The following SLCO2A1 variants were observed in gnomAD, a reference collection of about 807,000 sequenced individuals.
SLCO2A1 encodes matrin F/G 1.
Under a neutral mutation model 71.7 loss-of-function variants are expected in SLCO2A1, and 60 were observed. That is an observed-to-expected ratio of 0.84 (90% CI 0.68 to 1.04). SLCO2A1 has a LOEUF of 1.04. Among genes scored for constraint, SLCO2A1 ranks in the 50% least tolerant of loss-of-function variants. The probability of loss-of-function intolerance (pLI) is 0.00; values close to 1 mark genes in which losing one functional copy is unlikely to be tolerated. For missense variants in SLCO2A1, 745 were observed against 813.4 expected, an observed-to-expected ratio of 0.92 and a Z score of 1.02; for synonymous variants, 308 against 326.7, an observed-to-expected ratio of 0.94 and a Z score of 0.62.
At chr3:133,986,669 G>T (rs1436033825) in intron 1 of SLCO2A1, among the ~76,000 whole-genome samples, 5 of 152,182 alleles carry the variant, frequency 3.3e-5, no homozygotes, top group African/African-American at 1.2e-4. Flanking sequence ...TTTACCACCC[G>T]TGTCAAAGAG....
chr3:133,992,529 C>A lies in SLCO2A1; in HGVS notation c.97-12911G>T, dbSNP rs550570311. Reference sequence around the variant, plus strand: ...CCCACCCTCAAGCCTGGAACTGTGGCCCAAAGTGAGAACTTACATTCCTGT... The same window carrying A: ...CCCACCCTCAAGCCTGGAACTGTGGACCAAAGTGAGAACTTACATTCCTGT... On this transcript the variant is annotated intron_variant, in intron 1 of 13. Transcript: ENST00000310926. Among the ~76,000 whole-genome samples, 4 of 152,316 alleles carry A rather than the reference C, an allele frequency of 2.6e-5. No individual in the cohort carries two copies. In the South Asian group the frequency reaches 6.2e-4, roughly 24 times the overall value.
chr3:133,937,080 A>G (rs969572635), intron 12 of SLCO2A1, among the ~76,000 whole-genome samples: 2 of 152,104 alleles, frequency 1.3e-5, no homozygotes, highest in Admixed American at 1.3e-4. Flanking sequence ...AAAAGCAGCG[A>G]GTGCTTCAAG....
intron 1 of SLCO2A1, among the ~76,000 whole-genome samples, chr3:134,019,087 G>C (rs577411571): frequency 6.6e-6 from 1 of 152,144 alleles, no homozygotes; most frequent in African/African-American, 2.4e-5. Flanking sequence ...GAAACCACTG[G>C]CCACTGGGAA....
chr3:134,029,654 G>A (rs529472102), intron 1 of SLCO2A1, 53 bp downstream of exon 1: 2 of 1,450,326 alleles, frequency 1.4e-6, no homozygotes, highest in South Asian at 1.2e-5. Context: ...GTGCCCAGCC[G>A]AAGGTGCGCC....
Position 133,979,574 on chromosome 3 carries a change from C to G in SLCO2A1, c.141G>C (p.Leu47=), listed in dbSNP as rs1379204674. 4 of 1,613,904 alleles carry G rather than the reference C, an allele frequency of 2.5e-6. No individual in the cohort carries two copies. Among genetic ancestry groups the G allele is most frequent in the African/African-American group, 1.3e-5 (1 of 74,906 alleles). Reference sequence around the variant, plus strand: ...GGCTGCTCTTGAAGTAGGCGCTGTACAGGAGTTGGCAGAGCTGCAGGAGGC... The same window carrying G: ...GGCTGCTCTTGAAGTAGGCGCTGTAGAGGAGTTGGCAGAGCTGCAGGAGGC... ...CQGLLQLCQL[L]YSAYFKSSLT... The change falls in exon 2 of 14, where the codon CTG becomes CTC. Residue 47 remains leucine (L), a synonymous_variant. Transcript: ENST00000310926.
Position 133,934,784 on chromosome 3 carries a change from G to T in SLCO2A1, c.1861C>A (p.Leu621Ile), listed in dbSNP as rs147416721. 21 of 1,612,850 alleles carry T rather than the reference G, an allele frequency of 1.3e-5. No individual in the cohort carries two copies. The highest frequency in any genetic ancestry group is 1.4e-5 in the Non-Finnish European group (17 of 1,179,992). Residue 621 changes from leucine to isoleucine, a missense_variant, in exon 14 of 14, where the codon CTT becomes ATT. Leu to Ile is a conservative substitution (Grantham distance 5, BLOSUM62 2). Coordinates refer to ENST00000310926, the MANE Select transcript of SLCO2A1 (RefSeq NM_005630.3). ...TTCACCCTCCAGCTGATGAAGCAAA[G>T]CAGCAGCATGCCCAGCGCCTTGTAG... ...MGYKALGMLLLCFISWRVKKN... is the reference protein window; with the variant it reads ...MGYKALGMLLICFISWRVKKN...
chr3:133,999,610 A>C (rs1435737776), intron 1 of SLCO2A1, among the ~76,000 whole-genome samples: 8 of 152,190 alleles, frequency 5.3e-5, no homozygotes, highest in Non-Finnish European at 1.0e-4. Context: ...GTGGTGTCAG[A>C]GGGGCTCAGA....
In SLCO2A1 at chr3:133,948,632, T is replaced by C. The variant is rs924900006; in HGVS notation, c.1009A>G (p.Thr337Ala). 3.7e-6 allele frequency: 6 copies of C among 1,614,066 alleles called. No individual in the cohort carries two copies. Among genetic ancestry groups the C allele is most frequent in the Non-Finnish European group, 5.1e-6 (6 of 1,179,994 alleles). The change falls in exon 8 of 14, where the codon ACC becomes GCC. Residue 337 changes from threonine (T) to alanine (A), a missense_variant. Transcript: ENST00000310926. The stretch of plus-strand genomic sequence containing the variant: ...AGGCCAGCAATGACGGAGGAGAAGG[T>C]GCACTGGGCCAGGACCACCAGGACG... ...LFVLVVLAQC[T>A]FSSVIAGLST...
Position 133,979,577 on chromosome 3 carries a change from G to C in SLCO2A1, c.138C>G (p.Leu46=). 1 of 1,614,028 alleles carries C rather than the reference G, an allele frequency of 6.2e-7. No individual in the cohort carries two copies. Among genetic ancestry groups the C allele is most frequent in the South Asian group, 1.1e-5 (1 of 91,066 alleles). The change falls in exon 2 of 14, where the codon CTC becomes CTG. Residue 46 remains leucine, a synonymous_variant. Transcript: ENST00000310926. ...LCQGLLQLCQ[L]LYSAYFKSSL... ...TGCTCTTGAAGTAGGCGCTGTACAG[G>C]AGTTGGCAGAGCTGCAGGAGGCCTT...
chr3:134,011,143 T>C (rs1300708206), intron 1 of SLCO2A1, among the ~76,000 whole-genome samples: 2 of 152,184 alleles, frequency 1.3e-5, no homozygotes, highest in Non-Finnish European at 2.9e-5. Flanking sequence ...CTCCGCCTCC[T>C]GGGTTCAAGC....
chr3:133,984,788 G>A (rs1421729503), intron 1 of SLCO2A1, among the ~76,000 whole-genome samples: 1 of 152,204 alleles, frequency 6.6e-6, no homozygotes, highest in African/African-American at 2.4e-5. Context: ...GCAATATAGT[G>A]TTATAGTTTT....
At chr3:134,025,245 C>G (rs1349926258) in intron 1 of SLCO2A1, among the ~76,000 whole-genome samples, 1 of 152,004 alleles carries the variant, frequency 6.6e-6, no homozygotes, top group Non-Finnish European at 1.5e-5. Flanking sequence ...TGCTACGGTC[C>G]TATTATTTTA....
chr3:133,958,148 C>T (rs186871680), intron 3 of SLCO2A1, among the ~76,000 whole-genome samples: 7 of 152,294 alleles, frequency 4.6e-5, no homozygotes, highest in East Asian at 1.9e-4. Context: ...CTGGGTGTGG[C>T]GCTGGCTGAC....
In SLCO2A1 at chr3:134,029,900, C is replaced by A. The variant is rs1323830694; in HGVS notation, c.-98G>T. On this transcript the variant is annotated 5_prime_UTR_variant, in exon 1 of 14. Coordinates refer to ENST00000310926, the MANE Select transcript of SLCO2A1 (RefSeq NM_005630.3). ...GAGAGGCGACCGCGGCGGCAGTGGC[C>A]GGAGGAGATTCGCGGAGCGGAGACT... The A allele has an allele frequency of 3.5e-6, 2 of 571,602 alleles. No individual in the cohort carries two copies. The highest frequency in any genetic ancestry group is 5.3e-4 in the Middle Eastern group (1 of 1,874). 35.4% of individuals were successfully genotyped at this position (571,602 alleles called of 1,614,324 possible).
rs533680994 is a variant in SLCO2A1, at chr3:133,948,761, G to A, written c.941-61C>T. The A allele has an allele frequency of 3.8e-6, 6 of 1,598,706 alleles. No homozygotes were observed. The Admixed American group carries it at 5.0e-5, about 13-fold the overall frequency. ...CCCTGGGCTGCAGGCACACCTAGGG[G>A]ATGGGCCAGTTACAGGCCCTCTGCT... On this transcript the variant is annotated intron_variant, in intron 7 of 13. Transcript: ENST00000310926.
At chr3:133,985,567 G>A (rs764738670) in intron 1 of SLCO2A1, among the ~76,000 whole-genome samples, 5 of 152,018 alleles carry the variant, frequency 3.3e-5, no homozygotes, top group East Asian at 1.9e-4. Flanking sequence ...CTCCTCACTC[G>A]ACTTTTTTTC....
intron 3 of SLCO2A1, among the ~76,000 whole-genome samples, chr3:133,963,156 A>G (rs1934082875): frequency 6.6e-6 from 1 of 152,024 alleles, no homozygotes; most frequent in Non-Finnish European, 1.5e-5. Flanking sequence ...TCACTCCACC[A>G]TTTAAATATG....
chr3:133,939,450 G>C (rs775308987), intron 11 of SLCO2A1, among the ~76,000 whole-genome samples: 33 of 152,214 alleles, frequency 2.2e-4, no homozygotes, highest in Admixed American at 2.2e-3. Flanking sequence ...TTCAGTGCTA[G>C]GGGACAGTGA....
At chr3:133,985,736 G>A (rs1934699706) in intron 1 of SLCO2A1, among the ~76,000 whole-genome samples, 1 of 152,156 alleles carries the variant, frequency 6.6e-6, no homozygotes, top group Non-Finnish European at 1.5e-5. Flanking sequence ...GTTCAAAATT[G>A]GGGCTCAATC....
Sources: allele counts gnomAD v4.1 joint callset (sites outside exome capture counted in the v4.1 genomes callset), GRCh38; gene constraint gnomAD v4.1.1; transcripts MANE v1.5; gene names NCBI Gene and HGNC (gene_info 2026-07-23, HGNC 2026-07-21).